CUX1: variants seen among roughly 807,000 people sequenced by gnomAD.
The protein encoded by CUX1 is cut like homeobox 1, also known as protein CASP.
CUX1 carries 31 observed loss-of-function variants against 158.8 expected under a neutral mutation model. The ratio of observed to expected loss-of-function variants is 0.20; its 90% confidence interval spans 0.15 to 0.26. The LOEUF (loss-of-function observed/expected upper bound fraction) is 0.26, where lower values mean the gene tolerates loss of function less well. Ranked by LOEUF, CUX1 falls within the 10% of genes least tolerant of loss-of-function variation. CUX1 has a pLI of 1.00. For synonymous variants in CUX1, 879 were observed against 862.1 expected (o/e 1.02, Z -0.34); for missense variants, 1,589 against 2,014.6 (o/e 0.79, Z 4.04).
chr7:102,195,450 C>T (rs1028088422), intron 13 of CUX1, 57 bp from the exon 14 acceptor site: 253 of 1,440,388 alleles, frequency 1.8e-4, no homozygotes, highest in Non-Finnish European at 2.2e-4. Flanking sequence ...GCCTGGTGGC[C>T]CCGGGAGCGG....
chr7:102,015,729 C>G (rs1437049736), intron 2 of CUX1, among the ~76,000 whole-genome samples: 1 of 152,328 alleles, frequency 6.6e-6, no homozygotes, highest in East Asian at 1.9e-4. Flanking sequence ...CACTCATCCA[C>G]CCGCTATGCA....
chr7:102,205,060 C>A, intron 19 of CUX1, 54 bp from the exon 20 acceptor site: 1 of 1,280,084 alleles, frequency 7.8e-7, no homozygotes, highest in Non-Finnish European at 1.1e-6. Flanking sequence ...AGTTAGGAAG[C>A]TTTAAGCCCT....
intron 2 of CUX1, among the ~76,000 whole-genome samples, chr7:101,975,212 C>T (rs1015474949): frequency 3.3e-5 from 5 of 151,750 alleles, no homozygotes; most frequent in African/African-American, 1.2e-4. Flanking sequence ...GATTGTGCCA[C>T]TGTACTCCAG....
chr7:102,067,446 C>A (rs1825668998), intron 3 of CUX1, among the ~76,000 whole-genome samples: 1 of 151,600 alleles, frequency 6.6e-6, no homozygotes. Context: ...TCATCTTGAC[C>A]AGGCTGGTCT....
chr7:102,131,006 G>A (rs1336675381), intron 8 of CUX1, among the ~76,000 whole-genome samples: 3 of 151,616 alleles, frequency 2.0e-5, no homozygotes, highest in African/African-American at 4.8e-5. Flanking sequence ...AAAATTAGCC[G>A]GGCGTGGTGG....
intron 11 of CUX1, among the ~76,000 whole-genome samples, chr7:102,183,556 A>G (rs1464880582): frequency 1.3e-5 from 2 of 152,114 alleles, no homozygotes; most frequent in Non-Finnish European, 2.9e-5. Flanking sequence ...ATGGAGACAC[A>G]TGTCCTTATC....
chr7:101,950,106 G>T (rs1808877544), intron 2 of CUX1, among the ~76,000 whole-genome samples: 1 of 151,512 alleles, frequency 6.6e-6, no homozygotes, highest in Non-Finnish European at 1.5e-5. Flanking sequence ...CGCCTCCTGG[G>T]TTTAAGCGTT....
chr7:102,017,061 T>C (rs908267761), intron 2 of CUX1, among the ~76,000 whole-genome samples: 1 of 152,130 alleles, frequency 6.6e-6, no homozygotes, highest in African/African-American at 2.4e-5. Flanking sequence ...CCCATCACTT[T>C]GGGAGGCCGA....
At chr7:101,868,044 G>A (rs948948829) in intron 1 of CUX1, among the ~76,000 whole-genome samples, 1 of 151,992 alleles carries the variant, frequency 6.6e-6, no homozygotes, top group African/African-American at 2.4e-5. Context: ...ATGAGGTCTC[G>A]CTATGTTACC....
chr7:101,844,384 A>G (rs1214987247), intron 1 of CUX1, among the ~76,000 whole-genome samples: 1 of 152,158 alleles, frequency 6.6e-6, no homozygotes, highest in Non-Finnish European at 1.5e-5. Flanking sequence ...GTCTGAGTCT[A>G]TACTTATTCC....
intron 2 of CUX1, among the ~76,000 whole-genome samples, chr7:102,009,767 T>C (rs1817782872): frequency 6.6e-6 from 1 of 152,270 alleles, no homozygotes; most frequent in Non-Finnish European, 1.5e-5. Flanking sequence ...TGGACTTCTT[T>C]ATCTCTAGTA....
chr7:101,976,993 A>G (rs911145854), intron 2 of CUX1, among the ~76,000 whole-genome samples: 9 of 131,878 alleles, frequency 6.8e-5, no homozygotes, highest in Non-Finnish European at 1.1e-4. Flanking sequence ...GCTTGCTGCA[A>G]TCTCCACCTC....
chr7:102,246,214 C>G (rs1481062594), intron 23 of CUX1, among the ~76,000 whole-genome samples: 2 of 152,096 alleles, frequency 1.3e-5, no homozygotes, highest in Non-Finnish European at 2.9e-5. Flanking sequence ...AGTTTCACCC[C>G]AACTAGCAGT....
chr7:102,197,419 C>A, intron 15 of CUX1, 114 bp downstream of exon 15: 2 of 1,273,944 alleles, frequency 1.6e-6, no homozygotes, highest in Non-Finnish European at 2.2e-6. Flanking sequence ...TGCATCACAT[C>A]AGGTAAAGTT....
intron 23 of CUX1, among the ~76,000 whole-genome samples, chr7:102,245,122 A>G (rs1169264119): frequency 6.6e-6 from 1 of 152,184 alleles, no homozygotes; most frequent in African/African-American, 2.4e-5. Context: ...AGCTCACCGC[A>G]GCCTTGAACT....
chr7:102,264,464 G>T (rs563255556), intron 14 of CUX1, among the ~76,000 whole-genome samples: 28 of 152,352 alleles, frequency 1.8e-4, no homozygotes, highest in African/African-American at 6.7e-4. Flanking sequence ...TGACCAGGAG[G>T]AAGAGTGGGA....
chr7:101,879,288 G>A lies in CUX1; in HGVS notation c.31-36827G>A, dbSNP rs756561180. ...ACCTTAACCCTTTGCCCCCTCCCCT[G>A]TCCCCCCTTCACATAGCTTTAACAT... On this transcript the variant is annotated intron_variant, in intron 1 of 23. Transcript: ENST00000292535. Among the ~76,000 whole-genome samples the A allele has an allele frequency of 6.6e-5, 10 of 150,912 alleles. No homozygotes were observed. The East Asian group carries it at 1.8e-3, about 27-fold the overall frequency.
intron 20 of CUX1, among the ~76,000 whole-genome samples, chr7:102,216,621 ACACACACACCCC>A (rs1797160563): frequency 1.4e-5 from 1 of 71,722 alleles, no homozygotes; most frequent in Non-Finnish European, 2.8e-5. Context: ...CACACTCCCC[ACACACACACCCC>A]CACACACGCA....
chr7:102,257,923 C>T lies in CUX1; in HGVS notation c.*8881C>T, dbSNP rs553737121. ...CTTTTTTTTTTTTTTTTGTACAAAT[C>T]GCTTTGAGATGCCTCTGGTGTGTTG... On this transcript the variant is annotated 3_prime_UTR_variant, in exon 24 of 24. Transcript: ENST00000292535. 44 of 833,812 alleles carry T rather than the reference C, an allele frequency of 5.3e-5. No homozygotes were observed. In the South Asian group the frequency reaches 1.8e-3, roughly 34 times the overall value. The allele number at this position is 833,812 out of a possible 1,614,324, so 51.7% of individuals were successfully genotyped here.
Sources: gnomAD v4.1 joint callset for allele counts (sites outside exome capture counted in the v4.1 genomes callset) on GRCh38, gnomAD v4.1.1 for gene constraint, MANE v1.5 for transcripts, NCBI Gene and HGNC (gene_info 2026-07-23, HGNC 2026-07-21) for gene names.